The following TBL1X variants were observed in gnomAD, a reference collection of about 807,000 sequenced individuals.
TBL1X encodes F-box-like/WD repeat-containing protein TBL1X.
In TBL1X, 10 loss-of-function variants were observed where a neutral mutation model predicts 50.7. That is an observed-to-expected ratio of 0.20 (90% confidence interval 0.12 to 0.33). TBL1X has a LOEUF of 0.33. TBL1X is among the 10% of genes least tolerant of loss of function. The pLI, the probability that TBL1X is intolerant of heterozygous loss-of-function variation, is 1.00. For missense variants in TBL1X, 340 were observed against 504.4 expected, an observed-to-expected ratio of 0.67 and a Z score of 3.12; for synonymous variants, 190 against 214.7, an observed-to-expected ratio of 0.88 and a Z score of 1.01.
At chrX:9,615,786 AGGAGT>A (rs2082636393) in intron 2 of TBL1X, among the ~76,000 whole-genome samples, 2 of 112,025 alleles carry the variant, frequency 1.8e-5, no homozygotes, top group Admixed American at 9.4e-5. Flanking sequence ...ATCTTTTTAC[AGGAGT>A]GCATGTTGTT....
At chrX:9,649,991 A>G (rs1002261505) in intron 3 of TBL1X, among the ~76,000 whole-genome samples, 4 of 111,696 alleles carry the variant, frequency 3.6e-5, no homozygotes, top group African/African-American at 1.3e-4. Flanking sequence ...GCATCTCCCT[A>G]TGTTGCCAAG....
chrX:9,469,768 C>T (rs1377864368), intron 1 of TBL1X, among the ~76,000 whole-genome samples: 1 of 111,985 alleles, frequency 8.9e-6, no homozygotes, highest in African/African-American at 3.2e-5. Flanking sequence ...AGTTCCTCCA[C>T]AGTCACCCCC....
At chrX:9,472,423 CTTTTTTTTTTTCTTTCT>C (rs1226343432) in intron 1 of TBL1X, among the ~76,000 whole-genome samples, 4 of 85,389 alleles carry the variant, frequency 4.7e-5, no homozygotes, top group African/African-American at 1.8e-4. Context: ...GCATGTCCAG[CTTTTTTTTTTTCTTTCT>C]TTTTTTTTTT....
At chrX:9,667,775 G>A (rs181185248) in intron 5 of TBL1X, among the ~76,000 whole-genome samples, 8 of 112,050 alleles carry the variant, frequency 7.1e-5, no homozygotes, top group Non-Finnish European at 9.4e-5. Context: ...TGTTTGGAAA[G>A]CTGAGGCTCC....
intron 3 of TBL1X, among the ~76,000 whole-genome samples, chrX:9,646,168 G>A (rs748256754): frequency 8.9e-6 from 1 of 112,576 alleles, no homozygotes; most frequent in African/African-American, 3.2e-5. Context: ...CCGTGTATTG[G>A]TTTCTAAAAT....
At chrX:9,638,717 G>A (rs1227867410) in intron 2 of TBL1X, among the ~76,000 whole-genome samples, 3 of 111,896 alleles carry the variant, frequency 2.7e-5, no homozygotes, top group Non-Finnish European at 5.6e-5. Context: ...AATTATTGTG[G>A]ATTTTAATGT....
chrX:9,703,654 G>A (rs1190725797), intron 12 of TBL1X, among the ~76,000 whole-genome samples: 1 of 111,643 alleles, frequency 9.0e-6, no homozygotes, highest in Non-Finnish European at 1.9e-5. Context: ...GAGAGTGCAC[G>A]GGGGCCCCCA....
intron 2 of TBL1X, among the ~76,000 whole-genome samples, chrX:9,561,148 C>G (rs1411258795): frequency 9.0e-6 from 1 of 111,481 alleles, no homozygotes; most frequent in African/African-American, 3.3e-5. Context: ...AACCGCACCC[C>G]ACCCCGACCC....
intron 5 of TBL1X, among the ~76,000 whole-genome samples, chrX:9,657,600 C>T (rs2082871741): frequency 1.8e-5 from 2 of 112,759 alleles, no homozygotes; most frequent in South Asian, 7.3e-4. Context: ...CTGCCCACAA[C>T]AGGCAGAAGT....
chrX:9,711,866 G>C (rs1294572893), intron 16 of TBL1X, 90 bp downstream of exon 16: 1 of 1,005,884 alleles, frequency 9.9e-7, no homozygotes, highest in African/African-American at 2.0e-5. Context: ...GCAGTGCCCC[G>C]GAGGGAGTTG....
intron 5 of TBL1X, among the ~76,000 whole-genome samples, chrX:9,659,288 C>T (rs1244437120): frequency 2.7e-5 from 3 of 112,265 alleles, no homozygotes; most frequent in Non-Finnish European, 5.6e-5. Flanking sequence ...CCCACCCTGC[C>T]CCGGCAACCA....
chrX:9,681,140 C>T (rs756050857), intron 5 of TBL1X, among the ~76,000 whole-genome samples: 4 of 112,085 alleles, frequency 3.6e-5, no homozygotes, highest in Non-Finnish European at 7.5e-5. Context: ...GGCACACTCC[C>T]TCCGTGGGTT....
At chrX:9,491,309 TATA>T (rs1569205431) in intron 1 of TBL1X, among the ~76,000 whole-genome samples, 11 of 29,305 alleles carry the variant, frequency 3.8e-4, no homozygotes, top group African/African-American at 1.2e-3. Context: ...AGTATATTTA[TATA>T]TATATATATA....
At chrX:9,467,618 C>CT (rs762841772) in intron 1 of TBL1X, among the ~76,000 whole-genome samples, 31,015 of 104,821 alleles carry the variant, frequency 0.3, 3,775 homozygotes, top group South Asian at 0.37. Context: ...ATTGTAAACA[C>CT]TTTTTTTTTT....
chrX:9,686,080 C>G (rs1163063227), intron 6 of TBL1X, among the ~76,000 whole-genome samples: 3 of 111,343 alleles, frequency 2.7e-5, no homozygotes, highest in African/African-American at 9.8e-5. Context: ...TTTCGAAACT[C>G]CGGTGTTTTT....
At chrX:9,492,876 T>G (rs1251442132) in intron 1 of TBL1X, among the ~76,000 whole-genome samples, 3 of 48,743 alleles carry the variant, frequency 6.2e-5, no homozygotes, top group African/African-American at 1.7e-4. Flanking sequence ...TGTGTGTGTG[T>G]GTGTGTGTGT....
At chrX:9,580,267 G>A (rs1184777973) in intron 2 of TBL1X, among the ~76,000 whole-genome samples, 1 of 112,163 alleles carries the variant, frequency 8.9e-6, no homozygotes, top group Non-Finnish European at 1.9e-5. Context: ...AGGTCCTGAC[G>A]ATGTGCCCAA....
At chrX:9,699,090 C>T (rs769342071) in intron 12 of TBL1X, among the ~76,000 whole-genome samples, 257 of 111,913 alleles carry the variant, frequency 2.3e-3, no homozygotes, top group Middle Eastern at 9.1e-3. Context: ...AAGCGATTCT[C>T]CTGCCTCAGC....
chrX:9,627,347 C>T (rs1232853938), intron 2 of TBL1X, among the ~76,000 whole-genome samples: 1 of 111,775 alleles, frequency 8.9e-6, no homozygotes, highest in Non-Finnish European at 1.9e-5. Context: ...CTGAATTTTA[C>T]ATAATGAGAG....
Sources: gnomAD v4.1 joint callset for allele counts (sites outside exome capture counted in the v4.1 genomes callset) on GRCh38, gnomAD v4.1.1 for gene constraint, MANE v1.5 for transcripts, NCBI Gene and HGNC (gene_info 2026-07-23, HGNC 2026-07-21) for gene names.